Variants in SYNPO2 observed in about 807,000 individuals in gnomAD.
SYNPO2 encodes the protein synaptopodin 2.
A neutral mutation model predicts 85.0 loss-of-function variants in SYNPO2; 56 were observed. The ratio of observed to expected loss-of-function variants is 0.66; its 90% confidence interval spans 0.53 to 0.82. The LOEUF is 0.82. SYNPO2 is among the 40% of genes least tolerant of loss of function. The probability of loss-of-function intolerance (pLI) is 0.00; values close to 1 mark genes in which losing one functional copy is unlikely to be tolerated. For missense variants in SYNPO2, 1,575 were observed against 1,534.2 expected, an observed-to-expected ratio of 1.03 and a Z score of -0.44; for synonymous variants, 602 against 591.1, an observed-to-expected ratio of 1.02 and a Z score of -0.27.
At chr4:119,022,518 T>G (rs1329650380) in intron 1 of SYNPO2, among the ~76,000 whole-genome samples, 1 of 106,214 alleles carries the variant, frequency 9.4e-6, no homozygotes, top group Non-Finnish European at 2.3e-5. Context: ...GTAGGTTTTT[T>G]TTTTTTTTTT....
intron 4 of SYNPO2, among the ~76,000 whole-genome samples, chr4:119,055,006 C>G: frequency 6.6e-6 from 1 of 152,188 alleles, no homozygotes. Context: ...CAGACACACA[C>G]CACAACAGAC....
intron 1 of SYNPO2, among the ~76,000 whole-genome samples, chr4:118,963,140 G>T (rs1735172287): frequency 6.6e-6 from 1 of 152,172 alleles, no homozygotes; most frequent in Admixed American, 6.5e-5. Flanking sequence ...AACACCTTTG[G>T]TGAGAGTAAA....
intron 1 of SYNPO2, among the ~76,000 whole-genome samples, chr4:118,896,645 T>C (rs1271970902): frequency 2.0e-5 from 3 of 152,224 alleles, no homozygotes; most frequent in Non-Finnish European, 4.4e-5. Context: ...TATCATTCTT[T>C]TCTGTTTTTC....
intron 1 of SYNPO2, among the ~76,000 whole-genome samples, chr4:118,880,632 C>T (rs1444596555): frequency 1.3e-5 from 2 of 151,804 alleles, no homozygotes; most frequent in African/African-American, 4.8e-5. Flanking sequence ...CCTGTAATCC[C>T]AGCTACTTGG....
At chr4:119,055,074 C>G (rs1739169491) in intron 4 of SYNPO2, among the ~76,000 whole-genome samples, 1 of 152,140 alleles carries the variant, frequency 6.6e-6, no homozygotes. Flanking sequence ...TAGAAAACTT[C>G]CTATTTTTTC....
At chr4:118,932,624 T>C (rs956264493) in intron 1 of SYNPO2, among the ~76,000 whole-genome samples, 4 of 152,342 alleles carry the variant, frequency 2.6e-5, no homozygotes, top group Middle Eastern at 3.4e-3. Context: ...ACTAAATTTA[T>C]GGTTCACGTT....
Position 119,058,476 on chromosome 4 carries a change from T to TC in SYNPO2, c.*542_*543insC, listed in dbSNP as rs1739293172. ...TATTTCTCTGCAACTTTTTTTTTTT[T>TC]TTTTTTTTTTTTTTGAGATGGAGTC... On this transcript the variant is annotated 3_prime_UTR_variant, in exon 5 of 5. Transcript: ENST00000307142. 1 of 82,838 alleles carries TC rather than the reference T, an allele frequency of 1.2e-5. No individual in the cohort carries two copies. The highest frequency in any genetic ancestry group is 7.5e-5 in the African/African-American group (1 of 13,254). 5.1% of individuals were successfully genotyped at this position (82,838 alleles called of 1,614,324 possible). A position where few individuals can be genotyped will look rare whatever the true frequency, so the allele number is the denominator to read the frequency against.
Position 119,027,451 on chromosome 4 carries a change from T to C in SYNPO2, c.1069+13T>C, listed in dbSNP as rs750927570. ...GCGCGGCATGCACGTAAGTTCTGCC[T>C]GGGCTTTCAGAAGGGGCTTGGGAGT... is the stretch of plus-strand genomic sequence containing the variant. On this transcript the variant is annotated intron_variant, in intron 3 of 4. Transcript: ENST00000307142. 12 of 1,566,106 alleles carry C rather than the reference T, an allele frequency of 7.7e-6. No individual in the cohort carries two copies. The highest frequency in any genetic ancestry group is 9.6e-6 in the Non-Finnish European group (11 of 1,150,386).
At chr4:118,886,247 A>T (rs972872488), upstream of SYNPO2, among the ~76,000 whole-genome samples, 2 of 152,130 alleles carry the variant, frequency 1.3e-5, no homozygotes, top group Admixed American at 1.3e-4. Flanking sequence ...CTCATTTTTT[A>T]AAAATTTTTA....
At chr4:118,977,411 G>A (rs1316633716) in intron 1 of SYNPO2, among the ~76,000 whole-genome samples, 1 of 152,218 alleles carries the variant, frequency 6.6e-6, no homozygotes, top group African/African-American at 2.4e-5. Flanking sequence ...ACGCAGCCCC[G>A]GTTCCCGCTC....
rs150267097 is a variant in SYNPO2, at chr4:119,048,415, A to G, written c.3253-8986A>G. On this transcript the variant is annotated intron_variant, in intron 4 of 4. Coordinates refer to ENST00000307142, the MANE Select transcript of SYNPO2 (RefSeq NM_133477.3). ...CTATTCTGGTGCCAAGTACTGTTCT[A>G]GGGAAGCCTTAAGGAAACAAAAACC... 3.5e-3 allele frequency among the ~76,000 whole-genome samples: 540 copies of G among 152,350 alleles called. 3 individuals are homozygous for G. The highest frequency in any genetic ancestry group is 0.013 in the African/African-American group (529 of 41,576).
At chr4:118,867,610 C>A (rs1159542540) in intron 1 of SYNPO2, among the ~76,000 whole-genome samples, 1 of 151,894 alleles carries the variant, frequency 6.6e-6, no homozygotes, top group Non-Finnish European at 1.5e-5. Flanking sequence ...TTTAAAAAAT[C>A]AGTGTATTTA....
intron 1 of SYNPO2, among the ~76,000 whole-genome samples, chr4:119,004,231 T>TA (rs869124391): frequency 7.9e-5 from 12 of 151,994 alleles, no homozygotes; most frequent in Admixed American, 2.6e-4. Context: ...TACCTTTTTT[T>TA]AAAAAAAAGT....
rs570938702 is a variant in SYNPO2, at chr4:118,991,922, G to A, written c.106-31508G>A. ...GAAAGTATAGAATAAAACGGGGAGA[G>A]GATAGTGCTTAATGGAGTTCGACTG... On this transcript the variant is annotated intron_variant, in intron 1 of 4. Coordinates refer to ENST00000307142, the MANE Select transcript of SYNPO2 (RefSeq NM_133477.3). Among the ~76,000 whole-genome samples, 7 of 152,234 alleles carry A rather than the reference G, an allele frequency of 4.6e-5. No individual in the cohort carries two copies. In the East Asian group the frequency reaches 1.4e-3, roughly 29 times the overall value.
intron 1 of SYNPO2, among the ~76,000 whole-genome samples, chr4:118,900,744 T>TATCG (rs1732723792): frequency 3.5e-5 from 4 of 115,370 alleles, no homozygotes; most frequent in African/African-American, 1.6e-4. Flanking sequence ...TCTGTCTGTC[T>TATCG]ATCTATCTAT....
At chr4:118,962,122 A>G (rs1735119766) in intron 1 of SYNPO2, among the ~76,000 whole-genome samples, 1 of 152,206 alleles carries the variant, frequency 6.6e-6, no homozygotes, top group Non-Finnish European at 1.5e-5. Flanking sequence ...TAGACTTTGA[A>G]GCATCCGCAC....
At chr4:119,051,281 C>G (rs950235018) in intron 4 of SYNPO2, among the ~76,000 whole-genome samples, 4 of 140,336 alleles carry the variant, frequency 2.9e-5, no homozygotes, top group South Asian at 2.5e-4. Context: ...GCTCCGCCTC[C>G]CGGGTTCACG....
In SYNPO2 at chr4:119,030,250, C is replaced by T. The variant is rs1738165693; in HGVS notation, c.1475C>T (p.Ala492Val). The change falls in exon 4 of 5, where the codon GCC (alanine) becomes GTC (valine). Residue 492 changes from alanine (A) to valine (V), a missense_variant. Ala to Val is a moderately conservative substitution (Grantham distance 64). This residue lies in a region of SYNPO2 where 1,508 missense variants were observed against 1,446.8 expected (regional missense o/e 1.04). Coordinates refer to ENST00000307142, the MANE Select transcript of SYNPO2 (RefSeq NM_133477.3). ...TTACCAGACACCACAGGCAAGGGAGCCCTCATGTTTGCCAAGAGGAGGGAG... is the reference window on the plus strand; with the variant it reads ...TTACCAGACACCACAGGCAAGGGAGTCCTCATGTTTGCCAAGAGGAGGGAG... ...EMLPDTTGKGALMFAKRRERM... is the reference protein window; with the variant it reads ...EMLPDTTGKGVLMFAKRRERM... The T allele has an allele frequency of 2.5e-6, 4 of 1,613,696 alleles. No homozygotes were observed. The highest frequency in any genetic ancestry group is 3.4e-6 in the Non-Finnish European group (4 of 1,179,938).
intron 4 of SYNPO2, among the ~76,000 whole-genome samples, chr4:119,051,229 G>T (rs1171728620): frequency 9.2e-6 from 1 of 108,736 alleles, no homozygotes; most frequent in African/African-American, 3.6e-5. Context: ...TCGCTCTGTC[G>T]CCCAGGCTGG....
Sources: gnomAD v4.1 joint callset for allele counts (sites outside exome capture counted in the v4.1 genomes callset) on GRCh38, gnomAD v4.1.1 for gene constraint, gnomAD v4.1.1 regional missense constraint, MANE v1.5 for transcripts, NCBI Gene and HGNC (gene_info 2026-07-23, HGNC 2026-07-21) for gene names.